The following CALN1 variants were observed in gnomAD, a reference collection of about 807,000 sequenced individuals.
CALN1 encodes calneuron 1.
Under a neutral mutation model 30.6 loss-of-function variants are expected in CALN1, and 17 were observed. That is an observed-to-expected ratio of 0.56 (90% CI 0.38 to 0.83). The LOEUF (loss-of-function observed/expected upper bound fraction) is 0.83. Among genes scored for constraint, CALN1 ranks in the 40% least tolerant of loss-of-function variants. CALN1 has a pLI of 0.00. For missense variants in CALN1, 291 were observed against 354.9 expected, an observed-to-expected ratio of 0.82 and a Z score of 1.45; for synonymous variants, 156 against 131.4, an observed-to-expected ratio of 1.19 and a Z score of -1.28.
intron 5 of CALN1, among the ~76,000 whole-genome samples, chr7:71,939,635 G>C (rs1385965078): frequency 6.6e-6 from 1 of 151,572 alleles, no homozygotes; most frequent in Admixed American, 6.6e-5. Flanking sequence ...ACATTCCCTA[G>C]ACAGGAAAAT....
chr7:71,870,071 A>G (rs2116727263), intron 5 of CALN1, among the ~76,000 whole-genome samples: 1 of 152,276 alleles, frequency 6.6e-6, no homozygotes, highest in African/African-American at 2.4e-5. Context: ...ACCTGCACCT[A>G]TAATATTTTA....
intron 2 of CALN1, chr7:72,337,316 G>T (rs941980779): frequency 4.1e-6 from 4 of 982,096 alleles, no homozygotes; most frequent in Non-Finnish European, 3.6e-6. Context: ...TCCTCCGAGG[G>T]TCGGGGAGCC....
chr7:72,374,187 A>G (rs1804408707), intron 2 of CALN1, among the ~76,000 whole-genome samples: 1 of 152,244 alleles, frequency 6.6e-6, no homozygotes, highest in Non-Finnish European at 1.5e-5. Context: ...AAGAAAAACA[A>G]AATAAAAGGA....
In CALN1 at chr7:71,790,144, AAAGAAGAAAG is replaced by A. The variant is rs1184603315; in HGVS notation, c.659-2252_659-2243del. Among the ~76,000 whole-genome samples the A allele has an allele frequency of 8.4e-3, 1,094 of 129,994 alleles. 15 individuals carry two copies. The highest frequency in any genetic ancestry group is 0.031 in the African/African-American group (1,033 of 32,884). The allele number at this position is 129,994 out of a possible 152,430, so 85.3% of individuals were successfully genotyped here. ...AGAGAAGAAAGAAGAAAGAAGAAAG[AAAGAAGAAAG>A]AGAAAGAAAAAGAAAAAGAAAGAAT... On this transcript the variant is annotated intron_variant, in intron 6 of 6. Transcript: ENST00000395275.
intron 2 of CALN1, among the ~76,000 whole-genome samples, chr7:72,402,947 T>C (rs1806440310): frequency 6.6e-6 from 1 of 152,212 alleles, no homozygotes; most frequent in Non-Finnish European, 1.5e-5. Flanking sequence ...ATTTTTATGC[T>C]AGTACATAGT....
chr7:72,410,978 TTATATG>T (rs1807094400), intron 1 of CALN1, among the ~76,000 whole-genome samples: 1 of 152,152 alleles, frequency 6.6e-6, no homozygotes, highest in African/African-American at 2.4e-5. Context: ...GGTGATATGA[TTATATG>T]TATGGAAAAT....
chr7:72,117,374 G>A (rs974453280), intron 3 of CALN1, among the ~76,000 whole-genome samples: 1 of 152,176 alleles, frequency 6.6e-6, no homozygotes, highest in African/African-American at 2.4e-5. Context: ...ATAGATGGCA[G>A]CCCTCAGAGA....
intron 2 of CALN1, among the ~76,000 whole-genome samples, chr7:72,329,814 C>T (rs1013287363): frequency 7.9e-5 from 12 of 151,858 alleles, no homozygotes; most frequent in Non-Finnish European, 4.4e-5. Flanking sequence ...ATTAGCTGGG[C>T]GTGGTGCCAC....
rs552637269 is a variant in CALN1, at chr7:72,335,959, G to A, written c.120-57149C>T. Among the ~76,000 whole-genome samples the A allele has an allele frequency of 5.3e-5, 8 of 152,328 alleles. No individual in the cohort carries two copies. In the East Asian group the frequency reaches 1.2e-3, roughly 22 times the overall value. ...GTTCACTCCGCGCTGCGCTAGTCCG[G>A]AGAAACTAGGAACCCGAGTAAACCC... On this transcript the variant is annotated intron_variant, in intron 2 of 6. Transcript: ENST00000395275.
intron 3 of CALN1, among the ~76,000 whole-genome samples, chr7:72,270,051 C>T (rs1042271107): frequency 2.0e-5 from 3 of 151,632 alleles, no homozygotes; most frequent in Non-Finnish European, 4.4e-5. Context: ...TAAAAAAGAA[C>T]CAAATGAAAA....
chr7:72,180,067 C>T (rs1789651221), intron 3 of CALN1, among the ~76,000 whole-genome samples: 1 of 152,216 alleles, frequency 6.6e-6, no homozygotes. Context: ...CCCAGCTGCT[C>T]ATTCTTTTCA....
chr7:72,357,832 ATATATTTATATATATT>A (rs1047024725), intron 2 of CALN1, among the ~76,000 whole-genome samples: 33 of 146,286 alleles, frequency 2.3e-4, no homozygotes, highest in African/African-American at 2.3e-4. Flanking sequence ...ATATATTTTT[ATATATTTATATATATT>A]TATATTTATA....
chr7:71,966,223 G>C (rs1383264765), intron 5 of CALN1, among the ~76,000 whole-genome samples: 1 of 152,180 alleles, frequency 6.6e-6, no homozygotes, highest in Non-Finnish European at 1.5e-5. Context: ...ATACAAATTA[G>C]TGTGGCTATG....
chr7:72,377,455 G>GTA (rs1386222529), intron 2 of CALN1, among the ~76,000 whole-genome samples: 1 of 151,616 alleles, frequency 6.6e-6, no homozygotes, highest in African/African-American at 2.4e-5. Context: ...GTGTGTGTGT[G>GTA]TGTGTGTGTG....
chr7:71,819,490 C>T (rs1399799064), intron 5 of CALN1, among the ~76,000 whole-genome samples: 3 of 152,208 alleles, frequency 2.0e-5, no homozygotes, highest in Admixed American at 6.5e-5. Context: ...AGGCATGAGC[C>T]ACCGTGCCTG....
intron 3 of CALN1, among the ~76,000 whole-genome samples, chr7:72,141,147 A>T (rs1350709675): frequency 2.0e-5 from 3 of 152,120 alleles, no homozygotes; most frequent in African/African-American, 7.2e-5. Flanking sequence ...AGAAAAATTA[A>T]TCTCACTGGA....
At chr7:72,314,346 TATAC>T (rs1052942418) in intron 2 of CALN1, among the ~76,000 whole-genome samples, 3 of 130,958 alleles carry the variant, frequency 2.3e-5, no homozygotes, top group African/African-American at 1.0e-4. Context: ...AACATATATA[TATAC>T]ATATATATAC....
At chr7:72,050,504 G>A (rs1248691665) in intron 4 of CALN1, among the ~76,000 whole-genome samples, 3 of 152,000 alleles carry the variant, frequency 2.0e-5, no homozygotes, top group Non-Finnish European at 2.9e-5. Context: ...CAAACCCAAA[G>A]AAACTAGGAT....
intron 5 of CALN1, among the ~76,000 whole-genome samples, chr7:71,981,617 A>G (rs555930852): frequency 6.6e-6 from 1 of 152,008 alleles, no homozygotes; most frequent in African/African-American, 2.4e-5. Flanking sequence ...ACATCACACC[A>G]CTGCACTACA....
Sources: allele counts gnomAD v4.1 joint callset (sites outside exome capture counted in the v4.1 genomes callset), GRCh38; gene constraint gnomAD v4.1.1; transcripts MANE v1.5; gene names NCBI Gene and HGNC (gene_info 2026-07-23, HGNC 2026-07-21).